The following USH1C variants were observed in gnomAD, a reference collection of about 807,000 sequenced individuals.
The protein encoded by USH1C is USH1 protein network component harmonin.
USH1C carries 90 observed loss-of-function variants against 119.3 expected under a neutral mutation model. The ratio of observed to expected loss-of-function variants is 0.75; its 90% CI spans 0.64 to 0.90. The LOEUF is 0.90. Ranked by LOEUF, USH1C falls within the 40% of genes least tolerant of loss-of-function variation. The pLI is 0.00. For missense variants in USH1C, 1,165 were observed against 1,167.7 expected, an observed-to-expected ratio of 1.00 and a Z score of 0.03; for synonymous variants, 465 against 443.3, an observed-to-expected ratio of 1.05 and a Z score of -0.62.
intron 26 of USH1C, chr11:17,494,842 CA>C (rs78912298): frequency 0.12 from 31,902 of 275,766 alleles, 2,346 homozygotes; most frequent in East Asian, 0.32. Flanking sequence ...AGCCACCTGC[CA>C]GCTCTGTCCA....
chr11:17,527,525 A>G (rs938280299), intron 4 of USH1C, among the ~76,000 whole-genome samples, 194 bp from the exon 5 acceptor site: 3 of 152,038 alleles, frequency 2.0e-5, no homozygotes, highest in African/African-American at 4.8e-5. Flanking sequence ...TGGCATGTCC[A>G]AGCAGTCTTG....
chr11:17,500,329 C>T (rs942431584), intron 23 of USH1C, among the ~76,000 whole-genome samples: 1 of 152,200 alleles, frequency 6.6e-6, no homozygotes, highest in Non-Finnish European at 1.5e-5. Context: ...CCTGCCTCCA[C>T]CTTCTCCTGG....
At chr11:17,511,408 G>T (rs887752334) in intron 16 of USH1C, among the ~76,000 whole-genome samples, 1 of 152,170 alleles carries the variant, frequency 6.6e-6, no homozygotes, top group Non-Finnish European at 1.5e-5. Flanking sequence ...AGACAGGTCA[G>T]TGGAAGCCTA....
intron 24 of USH1C, among the ~76,000 whole-genome samples, chr11:17,497,842 T>G (rs566904588): frequency 1.3e-5 from 2 of 152,380 alleles, no homozygotes; most frequent in East Asian, 3.9e-4. Flanking sequence ...GCCCCCAGAA[T>G]TCTCTTGATT....
rs1851612122 is a variant in USH1C, at chr11:17,544,385, C to G, written c.-78G>C. 6.9e-6 allele frequency: 11 copies of G among 1,602,224 alleles called. No individual in the cohort carries two copies. Among genetic ancestry groups the G allele is most frequent in the South Asian group, 5.5e-5 (5 of 90,416 alleles). On this transcript the variant is annotated 5_prime_UTR_variant, in exon 1 of 27. Coordinates refer to ENST00000005226, the MANE Select transcript of USH1C (RefSeq NM_153676.4). Reference sequence around the variant, plus strand: ...GGCTGCCAGGAGCTGGAAAGAGCCGCGACCGCGACCGGGCCAGCCGCCCTC... The same window carrying G: ...GGCTGCCAGGAGCTGGAAAGAGCCGGGACCGCGACCGGGCCAGCCGCCCTC...
rs886044610 is a variant in USH1C, at chr11:17,509,838, T to C, written c.1531A>G (p.Met511Val). Residue 511 changes from methionine to valine, a missense_variant and splice_region_variant, in exon 18 of 27, where the codon ATG (methionine) becomes GTG (valine). Met to Val is a conservative substitution (Grantham distance 21). Transcript: ENST00000005226. ...ISSADNEISE[M>V]TTGPPPPPPS... ...GGGGGAGGCGGGGGCCCTGTGGTCA[T>C]CTGGGGGTGTTGCAAGGAAGTTCTG... 20 of 1,592,062 alleles carry C rather than the reference T, an allele frequency of 1.3e-5. No homozygotes were observed. Among genetic ancestry groups the C allele is most frequent in the Non-Finnish European group, 1.7e-5 (20 of 1,175,500 alleles).
At position 17,527,036 on chromosome 11, in the gene USH1C, G is replaced by A. The variant is rs1382747364; in HGVS notation, c.501C>T (p.Ile167=). The A allele has an allele frequency of 3.9e-6, 6 of 1,556,444 alleles. No homozygotes were observed. The highest frequency in any genetic ancestry group is 1.7e-4 in the Middle Eastern group (1 of 5,936). ...KKTVSIKVRH[I]GLIPVKSSPD... Reference sequence around the variant, plus strand: ...CTCACCTTTTCACGGGGATCAGGCCGATGTCTGCGGGAGAAAGGCACAGGG... The same window carrying A: ...CTCACCTTTTCACGGGGATCAGGCCAATGTCTGCGGGAGAAAGGCACAGGG... Residue 167 remains isoleucine (I), a synonymous_variant, in exon 6 of 27, where the codon ATC becomes ATT. Coordinates refer to ENST00000005226, the MANE Select transcript of USH1C (RefSeq NM_153676.4).
At chr11:17,520,378 C>T (rs1331069619) in intron 14 of USH1C, among the ~76,000 whole-genome samples, 1 of 152,132 alleles carries the variant, frequency 6.6e-6, no homozygotes, top group African/African-American at 2.4e-5. Context: ...GGTCCACATA[C>T]AGGGATATAG....
chr11:17,507,967 A>G (rs1849715074), intron 18 of USH1C, among the ~76,000 whole-genome samples: 1 of 152,226 alleles, frequency 6.6e-6, no homozygotes, highest in Non-Finnish European at 1.5e-5. Flanking sequence ...GCAGCAGCTC[A>G]TCCTTCAGAT....
chr11:17,496,978 G>A (rs2072230), intron 24 of USH1C, 165 bp from the exon 25 acceptor site: 6 of 681,958 alleles, frequency 8.8e-6, no homozygotes, highest in Admixed American at 5.7e-5. Flanking sequence ...GTCTGAGGAC[G>A]TTTCTAGTCT....
chr11:17,532,388 C>T (rs1851029787), intron 2 of USH1C, among the ~76,000 whole-genome samples: 2 of 152,166 alleles, frequency 1.3e-5, no homozygotes, highest in South Asian at 4.1e-4. Flanking sequence ...GCCTTGACCT[C>T]CTGGGTTCAG....
chr11:17,503,279 A>C (rs1278199515), intron 20 of USH1C, among the ~76,000 whole-genome samples: 1 of 151,936 alleles, frequency 6.6e-6, no homozygotes, highest in Non-Finnish European at 1.5e-5. Context: ...GGCCCTGCCT[A>C]CTCCGGCTGT....
Position 17,521,332 on chromosome 11 carries a change from GC to G in USH1C, c.1085+13del. On this transcript the variant is annotated intron_variant, in intron 13 of 26. Coordinates refer to ENST00000005226, the MANE Select transcript of USH1C (RefSeq NM_153676.4). Reference sequence around the variant, plus strand: ...ATGTTCATGCACAGACACGCGTGGAGCCGAGGTACTCACTGTTCCATCTCCT... The same window carrying G: ...ATGTTCATGCACAGACACGCGTGGAGCGAGGTACTCACTGTTCCATCTCCT... 3 of 1,613,952 alleles carry G rather than the reference GC, an allele frequency of 1.9e-6. No homozygotes were observed. The highest frequency in any genetic ancestry group is 2.5e-6 in the Non-Finnish European group (3 of 1,179,802).
At chr11:17,509,109 G>A (rs1255923279) in intron 18 of USH1C, among the ~76,000 whole-genome samples, 2 of 152,148 alleles carry the variant, frequency 1.3e-5, no homozygotes, top group Non-Finnish European at 2.9e-5. Flanking sequence ...ATATCAAATG[G>A]ACACACCGTT....
In USH1C at chr11:17,509,551, A is replaced by C; in HGVS notation, c.1818T>G (p.Pro606=). The stretch of plus-strand genomic sequence containing the variant: ...CTTGGGTGGGAACGGATGGCGGGGG[A>C]GGGATGGGAATGGGGGGTGGAGTGC... The part of the protein sequence containing the change: ...VQRTPPPIPI[P]PPPSVPTQDL... Residue 606 remains proline, a synonymous_variant, in exon 18 of 27, where the codon CCT becomes CCG. Transcript: ENST00000005226. 1.4e-6 allele frequency: 1 copy of C among 690,062 alleles called. No individual in the cohort carries two copies. The highest frequency in any genetic ancestry group is 2.0e-6 in the Non-Finnish European group (1 of 495,702). The allele number at this position is 690,062 out of a possible 1,614,324, so 42.7% of individuals were successfully genotyped here.
chr11:17,531,408 C>T lies in USH1C; in HGVS notation c.239G>A (p.Arg80Gln), dbSNP rs148597739. ...HQVEYDQLTP[R>Q]RSRKLKEVRL... is the part of the protein sequence containing the mutation. ...GTGGCTTCCTCTGCACCTGGAGCGC[C>T]GGGGGGTCAGCTGATCATATTCCAC... Residue 80 changes from arginine to glutamine, a missense_variant, in exon 3 of 27, where the codon CGG (arginine) becomes CAG (glutamine). Arg to Gln is a conservative substitution (Grantham distance 43, BLOSUM62 1). Coordinates refer to ENST00000005226, the MANE Select transcript of USH1C (RefSeq NM_153676.4). This position sits in a 1 kb window ranked among gnomAD's most constrained non-coding sequence, Gnocchi z 4.2. The T allele has an allele frequency of 6.4e-5, 104 of 1,613,750 alleles. No individual in the cohort carries two copies. The highest frequency in any genetic ancestry group is 1.9e-4 in the South Asian group (17 of 91,030).
chr11:17,518,385 G>A (rs769598119), intron 14 of USH1C, among the ~76,000 whole-genome samples: 1 of 152,230 alleles, frequency 6.6e-6, no homozygotes, highest in South Asian at 2.1e-4. Flanking sequence ...GATAGGGAGA[G>A]AAGGTTGGAG....
At chr11:17,496,141 G>A (rs1849241307) in intron 25 of USH1C, among the ~76,000 whole-genome samples, 1 of 151,850 alleles carries the variant, frequency 6.6e-6, no homozygotes, top group African/African-American at 2.4e-5. Context: ...TGAAGGGGAA[G>A]GAGGGGGGCA....
chr11:17,499,251 G>A (rs2133776333), intron 23 of USH1C, among the ~76,000 whole-genome samples: 2 of 152,278 alleles, frequency 1.3e-5, no homozygotes, highest in East Asian at 3.9e-4. Context: ...GGAGCCTTGT[G>A]GCATGAAGGC....
Sources: allele counts gnomAD v4.1 joint callset (sites outside exome capture counted in the v4.1 genomes callset), GRCh38; gene constraint gnomAD v4.1.1; non-coding constraint Gnocchi (gnomAD v3.1); transcripts MANE v1.5; gene names NCBI Gene and HGNC (gene_info 2026-07-23, HGNC 2026-07-21).